Variants in DLGAP4 observed in about 807,000 individuals in gnomAD.
The protein encoded by DLGAP4 is DLG associated protein 4, also known as disks large-associated protein 4.
A neutral mutation model predicts 86.9 loss-of-function variants in DLGAP4; 18 were observed. That is an observed-to-expected ratio of 0.21 (90% CI 0.14 to 0.31). DLGAP4 has a LOEUF of 0.31. DLGAP4 is among the 10% of genes least tolerant of loss of function. DLGAP4 has a pLI of 1.00. For missense variants in DLGAP4, 1,085 were observed against 1,362.6 expected (o/e 0.80, Z 3.21); for synonymous variants, 548 against 574.3 (o/e 0.95, Z 0.65).
chr20:36,396,587 CAG>C (rs1555898005), intron 2 of DLGAP4, among the ~76,000 whole-genome samples: 1 of 4,186 alleles, frequency 2.4e-4, no homozygotes, highest in African/African-American at 9.6e-4. Context: ...ATACACACAC[CAG>C]ACACACACAC....
At position 36,526,679 on chromosome 20, in the gene DLGAP4, A is replaced by C. The variant is rs117358726; in HGVS notation, c.2761-134A>C. 4.8e-4 allele frequency: 379 copies of C among 785,232 alleles called. 3 individuals are homozygous for C. In the East Asian group the frequency reaches 0.01, roughly 21 times the overall value. The allele number at this position is 785,232 out of a possible 1,614,324, so 48.6% of individuals were successfully genotyped here. A position where few individuals can be genotyped will look rare whatever the true frequency, so the allele number is the denominator to read the frequency against. ...CGCTTCTCGTGGCTTCCTGATTCCA[A>C]GTGTGTGTTGCTTGTGCCCGATGCG... On this transcript the variant is annotated intron_variant, in intron 12 of 12. Transcript: ENST00000339266.
chr20:36,468,566 C>T (rs1218839087), intron 7 of DLGAP4, among the ~76,000 whole-genome samples: 1 of 152,272 alleles, frequency 6.6e-6, no homozygotes, highest in African/African-American at 2.4e-5. Context: ...CCTCTGAACA[C>T]AAACTTGGTC....
rs763955495 is a variant in DLGAP4 at position 36,410,829 on chromosome 20, G to T, written c.-72-20817G>T. ...CCATTCCAACATGAGATTTGCAGGG[G>T]ACAAACATCCAAACCATATCAGCAG... On this transcript the variant is annotated intron_variant, in intron 2 of 12. Coordinates refer to ENST00000339266, the MANE Select transcript of DLGAP4 (RefSeq NM_001365621.2). 2.5e-4 allele frequency among the ~76,000 whole-genome samples: 38 copies of T among 152,214 alleles called. 1 individual carries two copies. The highest frequency in any genetic ancestry group is 5.1e-4 in the Non-Finnish European group (35 of 68,012).
chr20:36,345,917 C>T (rs996467047), intron 1 of DLGAP4, among the ~76,000 whole-genome samples: 10 of 152,166 alleles, frequency 6.6e-5, no homozygotes, highest in African/African-American at 2.4e-4. Context: ...ACCACCACAC[C>T]AGGCTAACTT....
intron 1 of DLGAP4, among the ~76,000 whole-genome samples, chr20:36,313,930 G>A (rs1011044716): frequency 6.6e-6 from 1 of 152,158 alleles, no homozygotes; most frequent in Non-Finnish European, 1.5e-5. Flanking sequence ...TGTTGGGGTT[G>A]CCTTACCCTT....
Position 36,442,732 on chromosome 20 carries a change from T to C in DLGAP4, c.1362T>C (p.Phe454=). 1.2e-6 allele frequency: 2 copies of C among 1,614,204 alleles called. No individual in the cohort carries two copies. Among genetic ancestry groups the C allele is most frequent in the Non-Finnish European group, 1.7e-6 (2 of 1,180,042 alleles). ...TCACCCTCTCTTTCCTGCAGATTTT[T>C]GGACAGGCCTCCCTGATCCCCCAGT... ...LNDSSCISQI[F]GQASLIPQLF... Residue 454 remains phenylalanine (F), a synonymous_variant, in exon 6 of 13, where the codon TTT becomes TTC. Transcript: ENST00000339266.
At position 36,383,736 on chromosome 20, in the gene DLGAP4, G is replaced by A. The variant is rs533601539; in HGVS notation, c.-73+16461G>A. ...CACGCCTGTAATCCCAGCACTTTGG[G>A]AGGCCGAGGCAGGCGGATCACGAGG... On this transcript the variant is annotated intron_variant, in intron 2 of 12. Coordinates refer to ENST00000339266, the MANE Select transcript of DLGAP4 (RefSeq NM_001365621.2). 2.0e-5 allele frequency among the ~76,000 whole-genome samples: 3 copies of A among 152,244 alleles called. No homozygotes were observed. In the East Asian group the frequency reaches 5.8e-4, roughly 30 times the overall value.
Position 36,328,618 on chromosome 20 carries a change from G to A in DLGAP4, c.-304+22106G>A, listed in dbSNP as rs181643980. On this transcript the variant is annotated intron_variant, in intron 1 of 12. Transcript: ENST00000339266. ...ACAGGATTGTCACAAAGTTTGGGGG[G>A]TTTTATTGTTTGTTTTTTTGTTTTT... Among the ~76,000 whole-genome samples the A allele has an allele frequency of 2.2e-3, 330 of 151,956 alleles. 3 individuals are homozygous for A. Among genetic ancestry groups the A allele is most frequent in the Admixed American group, 0.017 (264 of 15,242 alleles).
At chr20:36,421,951 T>C (rs1045149103) in intron 2 of DLGAP4, among the ~76,000 whole-genome samples, 1 of 151,454 alleles carries the variant, frequency 6.6e-6, no homozygotes, top group Non-Finnish European at 1.5e-5. Flanking sequence ...GAGGAGAGGG[T>C]GTGTTAGAGC....
chr20:36,525,954 A>G lies in DLGAP4; in HGVS notation c.2708A>G (p.Tyr903Cys). Reference sequence around the variant, plus strand: ...ATCAGCATGAAGTTCGATGAACTCTACCACCTCAAGGCCAACAGCTGGCAG... The same window carrying G: ...ATCAGCATGAAGTTCGATGAACTCTGCCACCTCAAGGCCAACAGCTGGCAG... The part of the protein sequence containing the change: ...EDISMKFDEL[Y>C]HLKANSWQLV... The change falls in exon 12 of 13, where the codon TAC (tyrosine) becomes TGC (cysteine). Residue 903 changes from tyrosine to cysteine, a missense_variant. Coordinates refer to ENST00000339266, the MANE Select transcript of DLGAP4 (RefSeq NM_001365621.2). 6.2e-7 allele frequency: 1 copy of G among 1,613,876 alleles called. No individual in the cohort carries two copies. The highest frequency in any genetic ancestry group is 8.5e-7 in the Non-Finnish European group (1 of 1,179,982).
intron 2 of DLGAP4, among the ~76,000 whole-genome samples, chr20:36,415,608 AC>A (rs1490275558): frequency 3.9e-5 from 6 of 152,058 alleles, no homozygotes; most frequent in African/African-American, 9.7e-5. Context: ...TCTCCCAACA[AC>A]CCTTTGAGGA....
intron 8 of DLGAP4, chr20:36,498,937 C>CT (rs1181234261): frequency 3.0e-6 from 1 of 337,434 alleles, no homozygotes; most frequent in Non-Finnish European, 5.5e-6. Context: ...GTCCTTCCTA[C>CT]TGCTCCCCAG....
rs1186165104 is a variant in DLGAP4, at chr20:36,461,825, G to T, written c.1648+14888G>T. The T allele has an allele frequency of 3.1e-6, 3 of 970,354 alleles. No homozygotes were observed. In the East Asian group the frequency reaches 3.8e-4, roughly 124 times the overall value. The allele number at this position is 970,354 out of a possible 1,614,324, so 60.1% of individuals were successfully genotyped here. A position where few individuals can be genotyped will look rare whatever the true frequency, so the allele number is the denominator to read the frequency against. On this transcript the variant is annotated intron_variant, in intron 7 of 12. Transcript: ENST00000339266. ...TCCAGCCCGTGTCCCCGCTCCGCCC[G>T]CTTTGTCTCTCCCCGGCTCGCTGTC...
intron 7 of DLGAP4, among the ~76,000 whole-genome samples, chr20:36,478,765 C>T (rs1016100083): frequency 2.0e-5 from 3 of 152,212 alleles, no homozygotes; most frequent in Non-Finnish European, 2.9e-5. Context: ...GGTTTGTACT[C>T]ACTTAGCAGA....
intron 1 of DLGAP4, among the ~76,000 whole-genome samples, chr20:36,360,959 C>T (rs1020955623): frequency 5.9e-5 from 9 of 151,854 alleles, no homozygotes; most frequent in Non-Finnish European, 1.3e-4. Context: ...GAGGTGACCT[C>T]GGGCTGCACA....
intron 2 of DLGAP4, among the ~76,000 whole-genome samples, chr20:36,376,460 G>A (rs2031158734): frequency 6.6e-6 from 1 of 152,082 alleles, no homozygotes; most frequent in Admixed American, 6.5e-5. Context: ...TACAGAGCAA[G>A]ACTCCATCTC....
chr20:36,354,172 C>G (rs929050233), intron 1 of DLGAP4, among the ~76,000 whole-genome samples: 2 of 152,158 alleles, frequency 1.3e-5, no homozygotes, highest in Admixed American at 1.3e-4. Context: ...CCCACAGTCC[C>G]CATACCTGCA....
intron 5 of DLGAP4, among the ~76,000 whole-genome samples, chr20:36,440,085 C>T (rs371751848): frequency 1.3e-4 from 19 of 148,522 alleles, no homozygotes; most frequent in African/African-American, 4.7e-4. Flanking sequence ...GACCCAGGAC[C>T]CCACACCACC....
rs573012710 is a variant in DLGAP4 at position 36,368,294 on chromosome 20, C to A, written c.-73+1019C>A. The stretch of plus-strand genomic sequence containing the variant: ...CCCATGCCCTCAGCAAGGTGGCCAG[C>A]CCCTCTGGTCCCAATTCTCTCATCT... On this transcript the variant is annotated intron_variant, in intron 2 of 12. Transcript: ENST00000339266. Among the ~76,000 whole-genome samples the A allele has an allele frequency of 4.6e-5, 7 of 152,374 alleles. No homozygotes were observed. The East Asian group carries it at 1.3e-3, about 29-fold the overall frequency.
Sources: allele counts gnomAD v4.1 joint callset (sites outside exome capture counted in the v4.1 genomes callset), GRCh38; gene constraint gnomAD v4.1.1; transcripts MANE v1.5; gene names NCBI Gene and HGNC (gene_info 2026-07-23, HGNC 2026-07-21).